The following METTL6 variants were observed in gnomAD, a reference collection of about 807,000 sequenced individuals.
The protein encoded by METTL6 is methyltransferase 6, tRNA N3-cytidine, also known as tRNA N(3)-cytidine methyltransferase METTL6.
In METTL6, 22 loss-of-function variants were observed where a neutral mutation model predicts 26.4. The observed-to-expected ratio is 0.83, with a 90% CI of 0.59 to 1.19. METTL6 has a LOEUF of 1.19. METTL6 is among the 50% of genes most tolerant of loss of function. The probability of loss-of-function intolerance (pLI) is 0.00; values close to 1 mark genes in which losing one functional copy is unlikely to be tolerated. For missense variants in METTL6, 304 were observed against 324.8 expected (o/e 0.94, Z 0.49); for synonymous variants, 109 against 116.2 (o/e 0.94, Z 0.40).
chr3:15,383,997 C>T (rs1699129198), exon 7 of METTL6: 2 of 307,580 alleles, frequency 6.5e-6, no homozygotes, highest in Non-Finnish European at 1.2e-5. Context: ...TGTACATCCC[C>T]CACCCCAGAA....
downstream of METTL6, among the ~76,000 whole-genome samples, chr3:15,404,972 C>G (rs1259934118): frequency 1.3e-5 from 2 of 152,230 alleles, no homozygotes; most frequent in Non-Finnish European, 2.9e-5. Flanking sequence ...CACAATTTTC[C>G]CTTCCTCAGT....
chr3:15,424,843 A>C, intron 3 of METTL6, 112 bp downstream of exon 3: 1 of 1,379,662 alleles, frequency 7.2e-7, no homozygotes, highest in Non-Finnish European at 1.0e-6. Context: ...TGGTGACTAT[A>C]GCTGGTTAGC....
chr3:15,417,857 C>A (rs1018754907), intron 3 of METTL6, among the ~76,000 whole-genome samples: 1 of 152,114 alleles, frequency 6.6e-6, no homozygotes. Flanking sequence ...CATTAGAGAA[C>A]GACCCCCTCT....
intron 6 of METTL6, among the ~76,000 whole-genome samples, chr3:15,403,710 C>G (rs1473154686): frequency 6.6e-6 from 1 of 152,126 alleles, no homozygotes; most frequent in African/African-American, 2.4e-5. Flanking sequence ...GTTCTTGGAT[C>G]TAGCAAAATA....
chr3:15,403,214 ATCT>A (rs1699697027), intron 6 of METTL6, among the ~76,000 whole-genome samples: 1 of 152,090 alleles, frequency 6.6e-6, no homozygotes, highest in East Asian at 1.9e-4. Flanking sequence ...GTCTCAAGTG[ATCT>A]TCTTGTCTTC....
At chr3:15,415,523 A>G (rs1406418831) in intron 4 of METTL6, 2 of 1,596,464 alleles carry the variant, frequency 1.3e-6, no homozygotes, top group South Asian at 2.2e-5. Context: ...CATGGATCCC[A>G]GGTAACTGCA....
At chr3:15,394,045 T>C (rs1332897920) in intron 6 of METTL6, among the ~76,000 whole-genome samples, 5 of 152,202 alleles carry the variant, frequency 3.3e-5, no homozygotes, top group Non-Finnish European at 2.9e-5. Flanking sequence ...TCTTTTTCTA[T>C]TGATTGGAAT....
chr3:15,390,083 G>C (rs1699303617), intron 6 of METTL6, among the ~76,000 whole-genome samples: 1 of 151,944 alleles, frequency 6.6e-6, no homozygotes, highest in African/African-American at 2.4e-5. Flanking sequence ...AGTGAAAAAA[G>C]AAGAGAACAG....
At chr3:15,394,758 C>CA (rs1158524202) in intron 6 of METTL6, among the ~76,000 whole-genome samples, 1 of 152,150 alleles carries the variant, frequency 6.6e-6, no homozygotes, top group African/African-American at 2.4e-5. Context: ...GTTATGTACC[C>CA]AGTAGTCATT....
At chr3:15,402,813 T>C (rs186484921) in intron 6 of METTL6, among the ~76,000 whole-genome samples, 1 of 150,130 alleles carries the variant, frequency 6.7e-6, no homozygotes, top group Non-Finnish European at 1.5e-5. Context: ...CAATCTTAGG[T>C]TCTACAATAG....
chr3:15,414,991 C>G (rs1270060740), intron 4 of METTL6: 4 of 1,097,196 alleles, frequency 3.6e-6, no homozygotes, highest in Non-Finnish European at 4.5e-6. Flanking sequence ...TTTCTTGCAA[C>G]ATTTTATTCA....
downstream of METTL6, among the ~76,000 whole-genome samples, chr3:15,406,627 T>TAGAGAG (rs1559485718): frequency 6.4e-5 from 2 of 31,050 alleles, no homozygotes; most frequent in Non-Finnish European, 1.1e-4. Flanking sequence ...TATATATATA[T>TAGAGAG]ATAGAGAGAG....
chr3:15,403,089 T>C (rs1052661883), intron 6 of METTL6, among the ~76,000 whole-genome samples: 3 of 151,782 alleles, frequency 2.0e-5, no homozygotes, highest in Non-Finnish European at 2.9e-5. Flanking sequence ...ATTTTCTCAC[T>C]GTTACATTTT....
At chr3:15,406,803 T>C (rs112222674), downstream of METTL6, among the ~76,000 whole-genome samples, 16 of 151,470 alleles carry the variant, frequency 1.1e-4, no homozygotes, top group Non-Finnish European at 1.0e-4. Flanking sequence ...TAATTTTTTG[T>C]ATTTTTAGTA....
At chr3:15,415,435 G>C in intron 4 of METTL6, 10 of 1,470,750 alleles carry the variant, frequency 6.8e-6, no homozygotes, top group Non-Finnish European at 9.2e-6. Flanking sequence ...GGGATTACAG[G>C]CATGAAACAC....
At chr3:15,408,224 G>A (rs1296360203), downstream of METTL6, among the ~76,000 whole-genome samples, 2 of 152,148 alleles carry the variant, frequency 1.3e-5, no homozygotes, top group Non-Finnish European at 2.9e-5. Flanking sequence ...ACGAGACACA[G>A]GGGTGGCGTG....
intron 1 of METTL6, 142 bp downstream of exon 1, chr3:15,427,260 G>C (rs1211198315): frequency 1.2e-5 from 2 of 171,364 alleles, no homozygotes; most frequent in Non-Finnish European, 2.6e-5. Flanking sequence ...CCTCAGGATA[G>C]ACTAGGCTGC....
At chr3:15,416,693 A>G (rs1161805314) in intron 3 of METTL6, among the ~76,000 whole-genome samples, 5 of 152,228 alleles carry the variant, frequency 3.3e-5, no homozygotes, top group Admixed American at 6.5e-5. Context: ...CAAGCTAAAT[A>G]AACTTAACCT....
rs1700101495 is a variant in METTL6, at chr3:15,414,366, T to C, written c.532-204A>G. 34 of 1,301,896 alleles carry C rather than the reference T, an allele frequency of 2.6e-5. No individual in the cohort carries two copies. The South Asian group carries it at 5.0e-4, about 19-fold the overall frequency. 80.6% of individuals were successfully genotyped at this position (1,301,896 alleles called of 1,614,324 possible). On this transcript the variant is annotated intron_variant, in intron 4 of 5. Coordinates refer to ENST00000383790, the MANE Select transcript of METTL6 (RefSeq NM_152396.4). ...TAACACTAAGACACTTCTTTTTTTT[T>C]TTTTTTTGAGATGGAGTCTTGCTCT...
Sources: gnomAD v4.1 joint callset for allele counts (sites outside exome capture counted in the v4.1 genomes callset) on GRCh38, gnomAD v4.1.1 for gene constraint, MANE v1.5 for transcripts, NCBI Gene and HGNC (gene_info 2026-07-23, HGNC 2026-07-21) for gene names.